Variants in KLF12 observed in about 807,000 individuals in gnomAD.
KLF12 encodes KLF transcription factor 12.
In KLF12, 9 loss-of-function variants were observed where a neutral mutation model predicts 37.8. The observed-to-expected ratio is 0.24, with a 90% confidence interval of 0.14 to 0.42. The LOEUF (loss-of-function observed/expected upper bound fraction) is 0.42, where lower values mean the gene tolerates loss of function less well. KLF12 is among the 10% of genes least tolerant of loss of function. The pLI is 1.00. For missense variants in KLF12, 411 were observed against 516.0 expected, an observed-to-expected ratio of 0.80 and a Z score of 1.97; for synonymous variants, 208 against 202.1, an observed-to-expected ratio of 1.03 and a Z score of -0.25.
chr13:73,928,254 A>AG (rs1398933318), intron 3 of KLF12, among the ~76,000 whole-genome samples: 1 of 152,236 alleles, frequency 6.6e-6, no homozygotes, highest in African/African-American at 2.4e-5. Context: ...TGAAATATGC[A>AG]GGCAGTTAAA....
the KLF12 span, among the ~76,000 whole-genome samples, chr13:74,252,995 CTA>C: frequency 8.0e-6 from 1 of 124,272 alleles, no homozygotes; most frequent in Non-Finnish European, 1.5e-5. Context: ...ATCTATCTAT[CTA>C]TCTATCTATC....
intron 1 of KLF12, among the ~76,000 whole-genome samples, chr13:74,124,835 ATTAGCAGG>A (rs1157740778): frequency 6.6e-6 from 1 of 152,182 alleles, no homozygotes; most frequent in African/African-American, 2.4e-5. Context: ...GCATTCATCC[ATTAGCAGG>A]TTTGCTTTTT....
intron 1 of KLF12, among the ~76,000 whole-genome samples, chr13:74,050,576 G>A (rs1356102786): frequency 6.6e-6 from 1 of 152,122 alleles, no homozygotes; most frequent in Non-Finnish European, 1.5e-5. Context: ...CGCATTGAGA[G>A]GAGAATCAGA....
chr13:74,298,055 T>A, the KLF12 span, among the ~76,000 whole-genome samples: 1 of 152,170 alleles, frequency 6.6e-6, no homozygotes, highest in Non-Finnish European at 1.5e-5. Flanking sequence ...CTGTACGGTG[T>A]GGTCAAGAGA....
chr13:74,167,243 G>A, the KLF12 span, among the ~76,000 whole-genome samples: 1 of 152,350 alleles, frequency 6.6e-6, no homozygotes, highest in East Asian at 1.9e-4. Context: ...TAGCTTCCAT[G>A]TGTCTAGCAG....
At chr13:74,181,900 T>C in the KLF12 span, among the ~76,000 whole-genome samples, 4 of 152,134 alleles carry the variant, frequency 2.6e-5, no homozygotes, top group African/African-American at 9.7e-5. Context: ...GATAGTGGCA[T>C]AGAATATTTG....
chr13:74,273,778 G>T, the KLF12 span, among the ~76,000 whole-genome samples: 1 of 152,080 alleles, frequency 6.6e-6, no homozygotes, highest in Non-Finnish European at 1.5e-5. Flanking sequence ...ACCCAAAGGA[G>T]TTCAAATAGT....
At chr13:74,010,299 C>A (rs144459286) in intron 1 of KLF12, among the ~76,000 whole-genome samples, 1 of 152,332 alleles carries the variant, frequency 6.6e-6, no homozygotes, top group East Asian at 1.9e-4. Flanking sequence ...TACACACATA[C>A]CCCAAAAGTC....
chr13:74,158,764 T>A, the KLF12 span, among the ~76,000 whole-genome samples: 1 of 152,096 alleles, frequency 6.6e-6, no homozygotes, highest in East Asian at 1.9e-4. Context: ...TTAACATTAA[T>A]AGGGTGGGGT....
chr13:73,853,089 G>A (rs190233844), intron 3 of KLF12, among the ~76,000 whole-genome samples: 316 of 151,968 alleles, frequency 2.1e-3, no homozygotes, highest in Non-Finnish European at 3.2e-3. Flanking sequence ...GGATGGTCTC[G>A]ATCTCCTGAC....
At chr13:74,024,004 C>A (rs546067704) in intron 1 of KLF12, among the ~76,000 whole-genome samples, 1 of 152,234 alleles carries the variant, frequency 6.6e-6, no homozygotes, top group Non-Finnish European at 1.5e-5. Flanking sequence ...TGGAGCCCCA[C>A]TGCAACTCCT....
At chr13:73,937,377 A>C (rs1042248927) in intron 3 of KLF12, among the ~76,000 whole-genome samples, 1 of 152,176 alleles carries the variant, frequency 6.6e-6, no homozygotes, top group Non-Finnish European at 1.5e-5. Context: ...TAGAAGCTGA[A>C]ATATTCTGGA....
intron 3 of KLF12, among the ~76,000 whole-genome samples, chr13:73,872,553 C>T (rs948614901): frequency 8.5e-5 from 13 of 152,102 alleles, no homozygotes; most frequent in African/African-American, 2.7e-4. Flanking sequence ...CACTGCTCAA[C>T]ACAGAACAGG....
upstream of KLF12, among the ~76,000 whole-genome samples, chr13:74,134,324 C>T (rs1306585218): frequency 2.6e-5 from 4 of 151,824 alleles, no homozygotes; most frequent in Admixed American, 2.0e-4. Context: ...GCTCGCTCAG[C>T]AGGCGCTAAG....
chr13:74,050,207 T>C (rs1872821508), intron 1 of KLF12, among the ~76,000 whole-genome samples: 1 of 152,188 alleles, frequency 6.6e-6, no homozygotes, highest in Admixed American at 6.5e-5. Context: ...GGAATCTTAA[T>C]GGCATCCCAA....
rs576517339 is a variant in KLF12, at chr13:74,098,605, T to C, written c.-32+35134A>G. 5.9e-5 allele frequency among the ~76,000 whole-genome samples: 9 copies of C among 152,346 alleles called. No homozygotes were observed. In the South Asian group the frequency reaches 1.9e-3, roughly 32 times the overall value. On this transcript the variant is annotated intron_variant, in intron 1 of 7. Coordinates refer to ENST00000377669, the MANE Select transcript of KLF12 (RefSeq NM_007249.5). Reference sequence around the variant, plus strand: ...AATACCCTAGAGCCCTAGAGATATGTATATTGAATATTGAATGGCTATATC... The same window carrying C: ...AATACCCTAGAGCCCTAGAGATATGCATATTGAATATTGAATGGCTATATC...
At chr13:73,884,259 A>T (rs1431650555) in intron 3 of KLF12, among the ~76,000 whole-genome samples, 3 of 152,164 alleles carry the variant, frequency 2.0e-5, no homozygotes, top group Admixed American at 2.0e-4. Flanking sequence ...TTCTCAGCTG[A>T]AGGACATATC....
intron 4 of KLF12, among the ~76,000 whole-genome samples, chr13:73,816,368 G>GA (rs374874328): frequency 6.6e-6 from 1 of 152,076 alleles, no homozygotes; most frequent in African/African-American, 2.4e-5. Flanking sequence ...ATAAACACCT[G>GA]AAAAAAATTT....
rs1873805408 is a variant in KLF12, at chr13:73,691,242, T to TG, written c.*4247dup. 2.0e-5 allele frequency: 3 copies of TG among 152,804 alleles called. No individual in the cohort carries two copies. The highest frequency in any genetic ancestry group is 2.0e-4 in the Admixed American group (3 of 15,304). The allele number at this position is 152,804 out of a possible 1,614,324, so 9.5% of individuals were successfully genotyped here. Reference sequence around the variant, plus strand: ...TGTACAGGTTAAGTGGAAGGCAGTGTGGGGATGAGTAGAAATGTCATATGG... The same window carrying TG: ...TGTACAGGTTAAGTGGAAGGCAGTGTGGGGGATGAGTAGAAATGTCATATGG... On this transcript the variant is annotated 3_prime_UTR_variant, in exon 8 of 8. Transcript: ENST00000377669.
Sources: allele counts gnomAD v4.1 joint callset (sites outside exome capture counted in the v4.1 genomes callset), GRCh38; gene constraint gnomAD v4.1.1; transcripts MANE v1.5; gene names NCBI Gene and HGNC (gene_info 2026-07-23, HGNC 2026-07-21).